The following USP40 variants were observed in gnomAD, a reference collection of about 807,000 sequenced individuals.
The protein encoded by USP40 is ubiquitin carboxyl-terminal hydrolase 40.
USP40 carries 143 observed loss-of-function variants against 166.2 expected under a neutral mutation model. The ratio of observed to expected loss-of-function variants is 0.86; its 90% CI spans 0.75 to 0.99. USP40 has a LOEUF of 0.99. Ranked by LOEUF, USP40 falls within the 50% of genes least tolerant of loss-of-function variation. USP40 has a pLI of 0.00. For synonymous variants in USP40, 498 were observed against 524.0 expected (o/e 0.95, Z 0.68); for missense variants, 1,444 against 1,479.7 (o/e 0.98, Z 0.40).
At position 233,554,599 on chromosome 2, in the gene USP40, T is replaced by A. The variant is rs143183959; in HGVS notation, c.547-73A>T. 2,441 of 1,206,002 alleles carry A rather than the reference T, an allele frequency of 2.0e-3. 20 individuals carry two copies. In the African/African-American group the frequency reaches 0.024, roughly 12 times the overall value. The allele number at this position is 1,206,002 out of a possible 1,614,324, so 74.7% of individuals were successfully genotyped here. A position where few individuals can be genotyped will look rare whatever the true frequency, so the allele number is the denominator to read the frequency against. On this transcript the variant is annotated intron_variant, in intron 5 of 31. Coordinates refer to ENST00000678225, the MANE Select transcript of USP40 (RefSeq NM_001365479.2). ...CAAACACATCATCAACTCACATATA[T>A]ATTGGGAATAATCAGATATATGTTT...
In USP40 at chr2:233,525,538, T is replaced by G; in HGVS notation, c.1750A>C (p.Met584Leu). 1 of 1,613,160 alleles carries G rather than the reference T, an allele frequency of 6.2e-7. No homozygotes were observed. The highest frequency in any genetic ancestry group is 8.5e-7 in the Non-Finnish European group (1 of 1,179,408). Residue 584 changes from methionine to leucine, a missense_variant, in exon 14 of 32, where the codon ATG becomes CTG. By Grantham distance (15) the Met-to-Leu change is conservative. Transcript: ENST00000678225. Reference protein sequence around the residue: ...FQLLEFWEGDMVLSVAKLVPA... With the variant: ...FQLLEFWEGDLVLSVAKLVPA... ...ACAAGCTTTGCAACACTAAGAACCA[T>G]GTCTCCTTCCCAAAATTCTAACAGC...
rs1330387633 is a variant in USP40 at position 233,565,509 on chromosome 2, T to C, written c.46A>G (p.Asn16Asp). 9.1e-6 allele frequency: 14 copies of C among 1,537,320 alleles called. No individual in the cohort carries two copies. In the South Asian group the frequency reaches 1.5e-4, roughly 17 times the overall value. ...AATTTCTTCCCTTTTCCATACTGAT[T>C]ATTAGACACAGTGGAATACTCCTCT... ...FEEEYSTVSN[N>D]QYGKGKKLKT... Residue 16 changes from asparagine (N) to aspartate (D), a missense_variant, in exon 2 of 32, where the codon AAT becomes GAT. By Grantham distance (23) the Asn-to-Asp change is conservative. Transcript: ENST00000678225.
chr2:233,559,999 T>A, intron 3 of USP40, 75 bp from the exon 4 acceptor site: 1 of 981,458 alleles, frequency 1.0e-6, no homozygotes, highest in Non-Finnish European at 1.5e-6. Context: ...AACTGCATAC[T>A]AGCTTTTTTA....
At chr2:233,561,591 G>A (rs1445255416) in intron 3 of USP40, among the ~76,000 whole-genome samples, 4 of 151,216 alleles carry the variant, frequency 2.6e-5, no homozygotes, top group East Asian at 1.9e-4. Context: ...AGACTTAAAC[G>A]TTAGACCTAA....
At chr2:233,529,814 C>CTTTTTTTTTTTTTTTTTTTTTTTTTTTT (rs369071345) in intron 11 of USP40, among the ~76,000 whole-genome samples, 1 of 133,950 alleles carries the variant, frequency 7.5e-6, no homozygotes, top group African/African-American at 2.9e-5. Context: ...TTTTCTTTTT[C>CTTTTTTTTTTTTTTTTTTTTTTTTTTTT]TTTTTTTTTT....
At chr2:233,495,301 T>C (rs968391484) in intron 24 of USP40, among the ~76,000 whole-genome samples, 1 of 151,950 alleles carries the variant, frequency 6.6e-6, no homozygotes, top group Non-Finnish European at 1.5e-5. Flanking sequence ...TATATACACA[T>C]TGAACTATGT....
At chr2:233,541,896 A>C (rs896990023) in intron 9 of USP40, among the ~76,000 whole-genome samples, 9 of 152,240 alleles carry the variant, frequency 5.9e-5, no homozygotes, top group African/African-American at 2.2e-4. Flanking sequence ...AATGACAATA[A>C]TAGCCAAAAA....
chr2:233,531,243 C>T (rs114183287), intron 11 of USP40, among the ~76,000 whole-genome samples: 27 of 152,246 alleles, frequency 1.8e-4, no homozygotes, highest in African/African-American at 6.3e-4. Context: ...TTTGCATTAC[C>T]ACTACACTGT....
chr2:233,485,294 T>C lies in USP40; in HGVS notation c.3504+237A>G, dbSNP rs150230333. Among the ~76,000 whole-genome samples, 431 of 152,340 alleles carry C rather than the reference T, an allele frequency of 2.8e-3. 3 individuals are homozygous for C. The highest frequency in any genetic ancestry group is 9.5e-3 in the African/African-American group (393 of 41,578). On this transcript the variant is annotated intron_variant, in intron 30 of 31. Transcript: ENST00000678225. Reference sequence around the variant, plus strand: ...TATTTTACTTAGAATTTTCCATGTATGGTCAGAAGTGAAACTGGTCTGTAT... The same window carrying C: ...TATTTTACTTAGAATTTTCCATGTACGGTCAGAAGTGAAACTGGTCTGTAT...
intron 8 of USP40, among the ~76,000 whole-genome samples, chr2:233,547,203 T>C (rs2070035398): frequency 1.3e-5 from 2 of 152,230 alleles, no homozygotes; most frequent in South Asian, 4.1e-4. Flanking sequence ...TTTTATATAT[T>C]TTGGTATATA....
Position 233,481,315 on chromosome 2 carries a change from T to TAA in USP40, c.3505-20_3505-19dup. 6.4e-7 allele frequency: 1 copy of TAA among 1,573,582 alleles called. No homozygotes were observed. The highest frequency in any genetic ancestry group is 8.6e-7 in the Non-Finnish European group (1 of 1,156,496). On this transcript the variant is annotated intron_variant, in intron 30 of 31. Transcript: ENST00000678225. ...AGGAGATTCTACATTTCAAAAGAAG[T>TAA]AATGAGCAGTGTTTTCTGACATCTT...
chr2:233,555,341 T>C (rs146506619), intron 5 of USP40, among the ~76,000 whole-genome samples: 1,974 of 152,272 alleles, frequency 0.013, 27 homozygotes, highest in Non-Finnish European at 0.02. Flanking sequence ...TTTGGCAAAT[T>C]TAATTTATAT....
chr2:233,489,762 G>T (rs1271648096), intron 26 of USP40: 5 of 314,146 alleles, frequency 1.6e-5, no homozygotes, highest in Non-Finnish European at 2.9e-5. Context: ...TAATCATCAT[G>T]TTTAAAAAAT....
chr2:233,499,923 G>C lies in USP40; in HGVS notation c.2614-8C>G, dbSNP rs925299021. ...CAGCATTAACTTTAAACACTGTAAA[G>C]AAAAACAATGTCCAATGTTAGTTTT... On this transcript the variant is annotated splice_polypyrimidine_tract_variant and splice_region_variant and intron_variant, in intron 21 of 31. Transcript: ENST00000678225. 4 of 1,610,766 alleles carry C rather than the reference G, an allele frequency of 2.5e-6. No individual in the cohort carries two copies. The highest frequency in any genetic ancestry group is 2.5e-6 in the Non-Finnish European group (3 of 1,178,398).
intron 21 of USP40, 93 bp downstream of exon 21, chr2:233,509,956 G>C (rs1393822877): frequency 1.0e-6 from 1 of 955,186 alleles, no homozygotes; most frequent in East Asian, 2.7e-5. Context: ...GCCTAGTTTA[G>C]GACCTCCAAA....
intron 11 of USP40, among the ~76,000 whole-genome samples, chr2:233,531,553 C>T (rs1376990068): frequency 7.2e-5 from 11 of 152,178 alleles, no homozygotes; most frequent in African/African-American, 2.4e-4. Flanking sequence ...GTATATATTT[C>T]TATAACTGTG....
chr2:233,501,181 A>G, intron 21 of USP40, among the ~76,000 whole-genome samples: 1 of 152,230 alleles, frequency 6.6e-6, no homozygotes, highest in South Asian at 2.1e-4. Flanking sequence ...CAATCAAACA[A>G]TTGAGCAATC....
intron 18 of USP40, among the ~76,000 whole-genome samples, chr2:233,517,717 G>C (rs539230965): frequency 1.3e-4 from 20 of 151,786 alleles, no homozygotes; most frequent in Non-Finnish European, 2.5e-4. Flanking sequence ...AGCACAGTTT[G>C]CAATTGCAAA....
chr2:233,556,523 A>C (rs1192949143), intron 5 of USP40: 1 of 159,796 alleles, frequency 6.3e-6, no homozygotes, highest in African/African-American at 2.4e-5. Flanking sequence ...TTACCTCCCT[A>C]ATTAACTTTC....
Sources: allele counts gnomAD v4.1 joint callset (sites outside exome capture counted in the v4.1 genomes callset), GRCh38; gene constraint gnomAD v4.1.1; transcripts MANE v1.5; gene names NCBI Gene and HGNC (gene_info 2026-07-23, HGNC 2026-07-21).